ABAT: variants seen among roughly 807,000 people sequenced by gnomAD.
ABAT encodes 4-aminobutyrate aminotransferase, mitochondrial.
Under a neutral mutation model 64.6 loss-of-function variants are expected in ABAT, and 45 were observed. The ratio of observed to expected loss-of-function variants is 0.70; its 90% CI spans 0.55 to 0.89. The LOEUF (loss-of-function observed/expected upper bound fraction) is 0.89, where lower values mean the gene tolerates loss of function less well. Among genes scored for constraint, ABAT ranks in the 40% least tolerant of loss-of-function variants. ABAT has a pLI of 0.00. For missense variants in ABAT, 633 were observed against 658.4 expected, an observed-to-expected ratio of 0.96 and a Z score of 0.42; for synonymous variants, 297 against 250.5, an observed-to-expected ratio of 1.19 and a Z score of -1.75.
Position 8,743,123 on chromosome 16 carries a change from TTTCTTCATCCTTATATAA to T in ABAT, c.71-2877_71-2860del, listed in dbSNP as rs1229385167. On this transcript the variant is annotated intron_variant, in intron 2 of 15. Transcript: ENST00000268251. ...CAAAGAGAAGAAAATAAAAGCTGTT[TTTCTTCATCCTTATATAA>T]GTATAGTGCTGTATTTTAACGGTAC... 6.1e-4 allele frequency among the ~76,000 whole-genome samples: 93 copies of T among 151,954 alleles called. 5 individuals are homozygous for T. The highest frequency in any genetic ancestry group is 6.0e-3 in the Admixed American group (92 of 15,250).
intron 1 of ABAT, among the ~76,000 whole-genome samples, chr16:8,680,405 C>G (rs1265651933): frequency 6.6e-6 from 1 of 151,944 alleles, no homozygotes; most frequent in Non-Finnish European, 1.5e-5. Context: ...TGAAATTGAC[C>G]ATTTTCATCA....
At chr16:8,716,771 G>A (rs559833009) in intron 1 of ABAT, among the ~76,000 whole-genome samples, 1 of 152,170 alleles carries the variant, frequency 6.6e-6, no homozygotes, top group Non-Finnish European at 1.5e-5. Flanking sequence ...CAGGCAGGCC[G>A]TGGCATTTCA....
At chr16:8,751,783 G>C (rs1567303660) in intron 5 of ABAT, among the ~76,000 whole-genome samples, 1 of 152,154 alleles carries the variant, frequency 6.6e-6, no homozygotes, top group African/African-American at 2.4e-5. Flanking sequence ...GACCTCGGTG[G>C]GATGCCCACA....
At chr16:8,721,126 G>T (rs559688789) in intron 1 of ABAT, among the ~76,000 whole-genome samples, 1 of 152,182 alleles carries the variant, frequency 6.6e-6, no homozygotes, top group Non-Finnish European at 1.5e-5. Context: ...TACTTAATGT[G>T]CCTGAGGTTA....
intron 5 of ABAT, among the ~76,000 whole-genome samples, chr16:8,754,859 C>T (rs1431908633): frequency 6.6e-6 from 1 of 151,990 alleles, no homozygotes; most frequent in African/African-American, 2.4e-5. Context: ...GCTGGGATTA[C>T]AGGCACCTGC....
chr16:8,767,802 A>T (rs963453542), intron 9 of ABAT, among the ~76,000 whole-genome samples: 1 of 151,896 alleles, frequency 6.6e-6, no homozygotes, highest in African/African-American at 2.4e-5. Flanking sequence ...CAGCCTCCCA[A>T]GTAGCTAGGA....
intron 8 of ABAT, 141 bp from the exon 9 acceptor site, chr16:8,766,066 GA>G: frequency 1.3e-6 from 1 of 768,422 alleles, no homozygotes; most frequent in Admixed American, 2.0e-5. Context: ...TTTCAGTACA[GA>G]CCTGCAACAA....
chr16:8,780,741 T>G (rs1596475175), intron 15 of ABAT: 3 of 173,942 alleles, frequency 1.7e-5, no homozygotes, highest in Admixed American at 6.3e-5. Flanking sequence ...CCAGCCTGGG[T>G]GACAGCGCGA....
chr16:8,708,708 AG>A (rs2058004783), intron 1 of ABAT, among the ~76,000 whole-genome samples: 1 of 152,256 alleles, frequency 6.6e-6, no homozygotes, highest in Admixed American at 6.5e-5. Flanking sequence ...TTCATTGGCA[AG>A]AACAGGAGAA....
rs1302715809 is a variant in ABAT, at chr16:8,772,927, C to G, written c.954+10C>G. On this transcript the variant is annotated intron_variant, in intron 12 of 15. Coordinates refer to ENST00000268251, the MANE Select transcript of ABAT (RefSeq NM_020686.6). The stretch of plus-strand genomic sequence containing the variant: ...AGACATCGCCAGGAAGGTCAGTGGA[C>G]AGGGCCGAGGTTGGATGGAGCCATT... 3 of 1,613,126 alleles carry G rather than the reference C, an allele frequency of 1.9e-6. No individual in the cohort carries two copies. The African/African-American group carries it at 4.0e-5, about 22-fold the overall frequency.
intron 1 of ABAT, among the ~76,000 whole-genome samples, chr16:8,684,658 G>A (rs1218611114): frequency 6.6e-6 from 1 of 151,130 alleles, no homozygotes; most frequent in African/African-American, 2.4e-5. Context: ...GGCCGAGCCA[G>A]GCTGCACTGA....
intron 2 of ABAT, chr16:8,737,484 A>ATAAAT (rs112838285): frequency 3.3e-5 from 5 of 150,556 alleles, no homozygotes; most frequent in Admixed American, 1.3e-4. Context: ...AAAAAAATAA[A>ATAAAT]AAATAAATAA....
intron 14 of ABAT, among the ~76,000 whole-genome samples, chr16:8,778,526 G>A (rs2060333750): frequency 1.3e-5 from 2 of 152,160 alleles, no homozygotes; most frequent in Admixed American, 1.3e-4. Flanking sequence ...TGTAATCCCA[G>A]CACTTTGGGA....
At chr16:8,690,198 TCTGC>T (rs1423794459) in intron 1 of ABAT, among the ~76,000 whole-genome samples, 1 of 152,212 alleles carries the variant, frequency 6.6e-6, no homozygotes, top group Non-Finnish European at 1.5e-5. Flanking sequence ...AGCAGCAGCA[TCTGC>T]CTGGCACCAT....
In ABAT at chr16:8,774,993, T is replaced by G. The variant is rs2060224524; in HGVS notation, c.1058T>G (p.Met353Arg). The G allele has an allele frequency of 6.2e-7, 1 of 1,614,202 alleles. No individual in the cohort carries two copies. The highest frequency in any genetic ancestry group is 8.5e-7 in the Non-Finnish European group (1 of 1,180,034). Residue 353 changes from methionine to arginine, a missense_variant, in exon 13 of 16, where the codon ATG (methionine) becomes AGG (arginine). Met to Arg is a moderately conservative substitution (Grantham distance 91). Coordinates refer to ENST00000268251, the MANE Select transcript of ABAT (RefSeq NM_020686.6). Reference sequence around the variant, plus strand: ...GGCCTGGATGACCCAGCAGACGTGATGACCTTCAGCAAGAAGATGATGACT... The same window carrying G: ...GGCCTGGATGACCCAGCAGACGTGAGGACCTTCAGCAAGAAGATGATGACT... ...HWGLDDPADV[M>R]TFSKKMMTGG...
At chr16:8,699,124 C>T (rs2057764829) in intron 1 of ABAT, among the ~76,000 whole-genome samples, 1 of 152,108 alleles carries the variant, frequency 6.6e-6, no homozygotes, top group Non-Finnish European at 1.5e-5. Flanking sequence ...CACTCTGTGC[C>T]ACATAGTTTT....
intron 2 of ABAT, among the ~76,000 whole-genome samples, chr16:8,740,992 T>C (rs1190586843): frequency 6.6e-6 from 1 of 152,236 alleles, no homozygotes; most frequent in Non-Finnish European, 1.5e-5. Flanking sequence ...GAACACGACA[T>C]TCGTTTATCA....
chr16:8,765,527 C>T (rs1421900253), intron 8 of ABAT, among the ~76,000 whole-genome samples: 1 of 149,328 alleles, frequency 6.7e-6, no homozygotes, highest in Non-Finnish European at 1.5e-5. Flanking sequence ...TAGCTGGGTG[C>T]GGTGGTGCCT....
At chr16:8,749,686 G>C (rs1402828307) in intron 4 of ABAT, among the ~76,000 whole-genome samples, 1 of 151,798 alleles carries the variant, frequency 6.6e-6, no homozygotes, top group Non-Finnish European at 1.5e-5. Flanking sequence ...GTGAGCCACT[G>C]CACCCAGCCC....
Sources: gnomAD v4.1 joint callset for allele counts (sites outside exome capture counted in the v4.1 genomes callset) on GRCh38, gnomAD v4.1.1 for gene constraint, MANE v1.5 for transcripts, NCBI Gene and HGNC (gene_info 2026-07-23, HGNC 2026-07-21) for gene names.